Variants in PHACTR1 observed in about 807,000 individuals in gnomAD.
The protein encoded by PHACTR1 is phosphatase and actin regulator 1.
A neutral mutation model predicts 69.2 loss-of-function variants in PHACTR1; 16 were observed. The observed-to-expected ratio is 0.23, with a 90% CI of 0.16 to 0.35. PHACTR1 has a LOEUF of 0.35. PHACTR1 is among the 10% of genes least tolerant of loss of function. The pLI is 1.00. For missense variants in PHACTR1, 510 were observed against 734.7 expected (o/e 0.69, Z 3.54); for synonymous variants, 312 against 284.5 (o/e 1.10, Z -0.97).
At chr6:13,108,471 C>T (rs1348720978) in intron 5 of PHACTR1, among the ~76,000 whole-genome samples, 2 of 152,178 alleles carry the variant, frequency 1.3e-5, no homozygotes, top group Non-Finnish European at 2.9e-5. Context: ...GAAAATTTCT[C>T]AGTATAATTA....
rs760548192 is a variant in PHACTR1, at chr6:13,283,518, C to T, written c.1606C>T (p.Arg536Cys). ...VEVADAQDYD[R>C]RADKPWTRLT... Reference sequence around the variant, plus strand: ...GGTGGCTGACGCTCAGGACTATGACCGCAGGGCAGATAAGCCGTGGACCCG... The same window carrying T: ...GGTGGCTGACGCTCAGGACTATGACTGCAGGGCAGATAAGCCGTGGACCCG... The change falls in exon 13 of 15, where the codon CGC (arginine) becomes TGC (cysteine). Residue 536 changes from arginine (R) to cysteine (C), a missense_variant. Transcript: ENST00000332995. This position sits in a 1 kb window ranked among gnomAD's most constrained non-coding sequence, Gnocchi z 4.7. 1 of 1,613,858 alleles carries T rather than the reference C, an allele frequency of 6.2e-7. No individual in the cohort carries two copies. The highest frequency in any genetic ancestry group is 8.5e-7 in the Non-Finnish European group (1 of 1,179,860).
At chr6:12,840,745 C>T (rs923955361) in intron 4 of PHACTR1, among the ~76,000 whole-genome samples, 1 of 152,236 alleles carries the variant, frequency 6.6e-6, no homozygotes, top group Non-Finnish European at 1.5e-5. Flanking sequence ...GTCTACACCT[C>T]CACCCCCAAA....
intron 12 of PHACTR1, chr6:13,279,519 A>C (rs1779694948): frequency 6.6e-6 from 1 of 152,256 alleles, no homozygotes; most frequent in African/African-American, 2.4e-5. Flanking sequence ...AGAAATTCAG[A>C]GATCCTGAAA....
chr6:13,033,931 A>T (rs1802857526), intron 4 of PHACTR1, among the ~76,000 whole-genome samples: 1 of 152,230 alleles, frequency 6.6e-6, no homozygotes, highest in Non-Finnish European at 1.5e-5. Flanking sequence ...TCTTCAAGAA[A>T]ATCTGAAATT....
chr6:13,088,488 T>A (rs1401527953), intron 5 of PHACTR1, among the ~76,000 whole-genome samples: 4 of 152,178 alleles, frequency 2.6e-5, no homozygotes, highest in Non-Finnish European at 5.9e-5. Flanking sequence ...CTCCGAGTGT[T>A]TATTGATCCA....
intron 5 of PHACTR1, among the ~76,000 whole-genome samples, chr6:13,085,002 C>T (rs1286829166): frequency 1.3e-5 from 2 of 151,864 alleles, no homozygotes; most frequent in African/African-American, 2.4e-5. Flanking sequence ...TTAATAAATC[C>T]AAATATGTCC....
At chr6:13,281,131 G>A (rs758091520) in intron 12 of PHACTR1, 53 of 1,288,574 alleles carry the variant, frequency 4.1e-5, no homozygotes, top group Non-Finnish European at 5.0e-5. Flanking sequence ...CAGCATTTAT[G>A]CTTAGTCTTC....
At chr6:12,782,791 A>G (rs1312412585) in intron 4 of PHACTR1, among the ~76,000 whole-genome samples, 1 of 152,228 alleles carries the variant, frequency 6.6e-6, no homozygotes, top group East Asian at 1.9e-4. Flanking sequence ...CACCCTGATT[A>G]CGGGAAATGA....
At chr6:13,091,401 A>T (rs1813268339) in intron 5 of PHACTR1, among the ~76,000 whole-genome samples, 1 of 152,178 alleles carries the variant, frequency 6.6e-6, no homozygotes, top group South Asian at 2.1e-4. Context: ...TTTGGCCTTG[A>T]ATACTACAGC....
chr6:13,086,083 T>TAAAAAAAAAAAAAAAAAAAAAAAATAAA (rs776154642), intron 5 of PHACTR1, among the ~76,000 whole-genome samples: 1 of 60,266 alleles, frequency 1.7e-5, no homozygotes. Context: ...TACACATTTC[T>TAAAAAAAAAAAAAAAAAAAAAAAATAAA]AAAAAAAAAA....
chr6:13,192,771 A>T (rs1053136639), intron 7 of PHACTR1, among the ~76,000 whole-genome samples: 8 of 152,186 alleles, frequency 5.3e-5, no homozygotes, highest in African/African-American at 1.9e-4. Flanking sequence ...GAGGGCAGGG[A>T]TTTAATCTGA....
chr6:12,924,776 G>GAAA (rs10533765), intron 4 of PHACTR1, among the ~76,000 whole-genome samples: 1 of 134,294 alleles, frequency 7.4e-6, no homozygotes. Flanking sequence ...CTCTGTCCCG[G>GAAA]AAAAAAAAAA....
chr6:13,230,263 C>T, intron 10 of PHACTR1, 70 bp downstream of exon 10: 1 of 1,555,320 alleles, frequency 6.4e-7, no homozygotes, highest in Non-Finnish European at 8.7e-7. Flanking sequence ...CAAAAGAATT[C>T]AGTCTCGGCC....
intron 4 of PHACTR1, among the ~76,000 whole-genome samples, chr6:13,041,339 T>TACATACATACACACACACAC (rs1554113082): frequency 7.4e-6 from 1 of 135,364 alleles, no homozygotes; most frequent in African/African-American, 2.8e-5. Flanking sequence ...TTAAAATACA[T>TACATACATACACACACACAC]ACACACACAC....
At chr6:12,731,750 T>C (rs1035219171) in intron 3 of PHACTR1, among the ~76,000 whole-genome samples, 2 of 152,208 alleles carry the variant, frequency 1.3e-5, no homozygotes, top group Non-Finnish European at 1.5e-5. Flanking sequence ...ATTATAATCT[T>C]GAGCTTTTGG....
chr6:13,252,225 A>C (rs1774537030), intron 10 of PHACTR1, among the ~76,000 whole-genome samples: 1 of 148,148 alleles, frequency 6.8e-6, no homozygotes. Context: ...AAAAAAAAAA[A>C]TAGAAAAAAA....
chr6:12,901,976 G>A (rs74914083), intron 4 of PHACTR1, among the ~76,000 whole-genome samples: 16 of 152,264 alleles, frequency 1.1e-4, no homozygotes, highest in Admixed American at 5.9e-4. Flanking sequence ...TGTCTGGGAC[G>A]TTTTTGGTTG....
chr6:13,038,343 A>G (rs1313174874), intron 4 of PHACTR1, among the ~76,000 whole-genome samples: 1 of 152,138 alleles, frequency 6.6e-6, no homozygotes, highest in Admixed American at 6.6e-5. Flanking sequence ...CATAGGTACA[A>G]ATGAAATGGT....
In PHACTR1 at chr6:13,055,276, C is replaced by G. The variant is rs541474399; in HGVS notation, c.415+1747C>G. Among the ~76,000 whole-genome samples the G allele has an allele frequency of 3.3e-5, 5 of 152,292 alleles. No individual in the cohort carries two copies. The South Asian group carries it at 8.3e-4, about 25-fold the overall frequency. On this transcript the variant is annotated intron_variant, in intron 5 of 14. Coordinates refer to ENST00000332995, the MANE Select transcript of PHACTR1 (RefSeq NM_030948.6). Reference sequence around the variant, plus strand: ...ACTCTGACTCTGCATTCTCCACTCTCTCAGTCATCGTGCTGGTTCCTTAAG... The same window carrying G: ...ACTCTGACTCTGCATTCTCCACTCTGTCAGTCATCGTGCTGGTTCCTTAAG...
Sources: gnomAD v4.1 joint callset for allele counts (sites outside exome capture counted in the v4.1 genomes callset) on GRCh38, gnomAD v4.1.1 for gene constraint, Gnocchi (gnomAD v3.1) non-coding constraint, MANE v1.5 for transcripts, NCBI Gene and HGNC (gene_info 2026-07-23, HGNC 2026-07-21) for gene names.